PLCB4: variants seen among roughly 807,000 people sequenced by gnomAD.
PLCB4 encodes the protein phospholipase C beta 4.
Under a neutral mutation model 178.8 loss-of-function variants are expected in PLCB4, and 77 were observed. The observed-to-expected ratio is 0.43, with a 90% confidence interval of 0.36 to 0.52. The LOEUF (loss-of-function observed/expected upper bound fraction) is 0.52, where lower values mean the gene tolerates loss of function less well. Ranked by LOEUF, PLCB4 falls within the 20% of genes least tolerant of loss-of-function variation. The pLI is 0.00. For synonymous variants in PLCB4, 496 were observed against 490.8 expected, an observed-to-expected ratio of 1.01 and a Z score of -0.14; for missense variants, 1,024 against 1,453.4, an observed-to-expected ratio of 0.70 and a Z score of 4.80.
chr20:9,270,886 T>G (rs2094396373), intron 3 of PLCB4, among the ~76,000 whole-genome samples: 1 of 152,158 alleles, frequency 6.6e-6, no homozygotes, highest in South Asian at 2.1e-4. Flanking sequence ...CATGGAAAGA[T>G]CAGTGAATAC....
intron 3 of PLCB4, among the ~76,000 whole-genome samples, chr20:9,221,586 A>G (rs1302204079): frequency 6.6e-6 from 1 of 152,036 alleles, no homozygotes; most frequent in Non-Finnish European, 1.5e-5. Context: ...GGTGTAGGTT[A>G]AGCACTTTCA....
intron 15 of PLCB4, among the ~76,000 whole-genome samples, chr20:9,388,370 G>C (rs1203770567): frequency 6.6e-6 from 1 of 152,148 alleles, no homozygotes; most frequent in Non-Finnish European, 1.5e-5. Flanking sequence ...ACAACACCAG[G>C]AGCAGCGGTT....
intron 2 of PLCB4, among the ~76,000 whole-genome samples, chr20:9,169,012 C>T (rs2093019954): frequency 7.2e-6 from 1 of 139,106 alleles, no homozygotes; most frequent in Non-Finnish European, 1.6e-5. Context: ...CCACCAAGGG[C>T]TCATCCTCTT....
chr20:9,151,006 A>G (rs967731757), intron 2 of PLCB4, among the ~76,000 whole-genome samples: 2 of 152,094 alleles, frequency 1.3e-5, no homozygotes, highest in African/African-American at 4.8e-5. Flanking sequence ...AAGTGATTTA[A>G]TTTCTGGGTT....
chr20:9,154,263 A>T (rs376019379), intron 2 of PLCB4, among the ~76,000 whole-genome samples: 1 of 152,254 alleles, frequency 6.6e-6, no homozygotes, highest in African/African-American at 2.4e-5. Flanking sequence ...CTTGACCAAT[A>T]TTTGGTCACA....
intron 3 of PLCB4, among the ~76,000 whole-genome samples, chr20:9,272,886 T>C: frequency 6.6e-6 from 1 of 151,602 alleles, no homozygotes; most frequent in East Asian, 1.9e-4. Flanking sequence ...TACAGGGATT[T>C]TTTTTTTTTT....
At chr20:9,400,956 C>T (rs976554408) in intron 19 of PLCB4, among the ~76,000 whole-genome samples, 1 of 152,140 alleles carries the variant, frequency 6.6e-6, no homozygotes, top group African/African-American at 2.4e-5. Context: ...CTAGGTTTGA[C>T]AAATAGTTTG....
chr20:9,095,942 A>AT (rs1481330105), intron 1 of PLCB4, among the ~76,000 whole-genome samples: 1 of 152,188 alleles, frequency 6.6e-6, no homozygotes, highest in Non-Finnish European at 1.5e-5. Flanking sequence ...TTGTTTATAC[A>AT]TTTACTTTAT....
chr20:9,471,621 A>G (rs1358842751), intron 36 of PLCB4, among the ~76,000 whole-genome samples: 2 of 152,246 alleles, frequency 1.3e-5, no homozygotes, highest in East Asian at 3.9e-4. Context: ...CAGAAGTTCA[A>G]GAAGTTATAG....
At chr20:9,092,829 A>G (rs1021556957) in intron 1 of PLCB4, among the ~76,000 whole-genome samples, 3 of 152,164 alleles carry the variant, frequency 2.0e-5, no homozygotes, top group African/African-American at 4.8e-5. Flanking sequence ...ACTTGTTTAC[A>G]TCATGAGAAT....
rs560596121 is a variant in PLCB4 at position 9,435,978 on chromosome 20, TC to T, written c.2613+332del. ...CATTTCTAATCAGAAAAATGCAACA[TC>T]CGAAAAGTTCCAAAATTCAAAACCT... On this transcript the variant is annotated intron_variant, in intron 29 of 39. Coordinates refer to ENST00000378473, the MANE Select transcript of PLCB4 (RefSeq NM_001377142.1). Among the ~76,000 whole-genome samples, 312 of 152,338 alleles carry T rather than the reference TC, an allele frequency of 2.0e-3. 1 individual carries two copies. Among genetic ancestry groups the T allele is most frequent in the African/African-American group, 7.1e-3 (294 of 41,584 alleles).
intron 2 of PLCB4, among the ~76,000 whole-genome samples, chr20:9,110,389 T>C (rs2091531279): frequency 6.6e-6 from 1 of 152,208 alleles, no homozygotes; most frequent in African/African-American, 2.4e-5. Flanking sequence ...AAATGTCTTG[T>C]AAGCTATCAT....
intron 3 of PLCB4, among the ~76,000 whole-genome samples, chr20:9,250,669 T>G (rs2094171228): frequency 1.3e-5 from 2 of 152,202 alleles, no homozygotes; most frequent in African/African-American, 4.8e-5. Flanking sequence ...AGAATGGAAG[T>G]GGCATGCCCA....
chr20:9,238,352 C>T (rs890043233), intron 3 of PLCB4, among the ~76,000 whole-genome samples: 11 of 152,140 alleles, frequency 7.2e-5, no homozygotes, highest in African/African-American at 2.4e-4. Flanking sequence ...ACTGCCTGGT[C>T]AGTGGGTGCA....
At chr20:9,399,217 G>A (rs1201684132) in intron 19 of PLCB4, among the ~76,000 whole-genome samples, 2 of 152,110 alleles carry the variant, frequency 1.3e-5, no homozygotes, top group Non-Finnish European at 2.9e-5. Flanking sequence ...TGAGATTTGG[G>A]TTAAGTCTTA....
intron 1 of PLCB4, among the ~76,000 whole-genome samples, chr20:9,083,553 C>T (rs2090260311): frequency 6.6e-6 from 1 of 152,092 alleles, no homozygotes; most frequent in African/African-American, 2.4e-5. Flanking sequence ...ATTTATTAGG[C>T]TTAGGCATTG....
At chr20:9,414,232 A>G (rs1222761722) in intron 25 of PLCB4, among the ~76,000 whole-genome samples, 1 of 152,236 alleles carries the variant, frequency 6.6e-6, no homozygotes, top group Non-Finnish European at 1.5e-5. Context: ...TTGATAAAGT[A>G]TCAGCGATGC....
chr20:9,112,721 C>T (rs185799868), intron 2 of PLCB4, among the ~76,000 whole-genome samples: 123 of 152,242 alleles, frequency 8.1e-4, no homozygotes, highest in Admixed American at 2.6e-3. Flanking sequence ...TCCCTTTATG[C>T]AATTCCTGGG....
intron 2 of PLCB4, among the ~76,000 whole-genome samples, chr20:9,100,072 C>T (rs997919962): frequency 2.6e-5 from 4 of 152,152 alleles, no homozygotes; most frequent in Admixed American, 2.6e-4. Context: ...TAGGCACACT[C>T]ATGGGACTTC....
Sources: allele counts gnomAD v4.1 joint callset (sites outside exome capture counted in the v4.1 genomes callset), GRCh38; gene constraint gnomAD v4.1.1; transcripts MANE v1.5; gene names NCBI Gene and HGNC (gene_info 2026-07-23, HGNC 2026-07-21).